Variants in RBFOX1 observed in about 807,000 individuals in gnomAD.
RBFOX1 encodes the protein RNA binding fox-1 homolog 1.
A neutral mutation model predicts 57.7 loss-of-function variants in RBFOX1; 8 were observed. That is an observed-to-expected ratio of 0.14 (90% CI 0.08 to 0.25). RBFOX1 has a LOEUF of 0.25. Among genes scored for constraint, RBFOX1 ranks in the 10% least tolerant of loss-of-function variants. The pLI, the probability that RBFOX1 is intolerant of heterozygous loss-of-function variation, is 1.00. For synonymous variants in RBFOX1, 326 were observed against 222.4 expected, an observed-to-expected ratio of 1.47 and a Z score of -4.15; for missense variants, 611 against 548.5, an observed-to-expected ratio of 1.11 and a Z score of -1.14.
chr16:6,116,550 C>A (rs1176577245), intron 1 of RBFOX1, among the ~76,000 whole-genome samples: 2 of 152,182 alleles, frequency 1.3e-5, no homozygotes, highest in African/African-American at 4.8e-5. Context: ...CACTTACCCA[C>A]CTGCTTGGAG....
intron 1 of RBFOX1, among the ~76,000 whole-genome samples, chr16:6,024,519 C>A (rs1229852890): frequency 6.6e-6 from 1 of 152,110 alleles, no homozygotes; most frequent in Non-Finnish European, 1.5e-5. Flanking sequence ...AACAGAGCCT[C>A]ACGTTGTATC....
At chr16:6,758,335 C>G (rs781707062) in intron 3 of RBFOX1, among the ~76,000 whole-genome samples, 4 of 152,004 alleles carry the variant, frequency 2.6e-5, no homozygotes, top group African/African-American at 4.8e-5. Flanking sequence ...ATGTAAACCA[C>G]GACATAATAG....
chr16:6,505,432 A>G (rs17442685), intron 2 of RBFOX1, among the ~76,000 whole-genome samples: 42,787 of 152,182 alleles, frequency 0.28, 7,365 homozygotes, highest in Non-Finnish European at 0.39. Flanking sequence ...CTCCCATTAC[A>G]TCCAGGAGGA....
intron 4 of RBFOX1, among the ~76,000 whole-genome samples, chr16:7,306,847 T>C (rs1327920100): frequency 2.0e-5 from 3 of 152,146 alleles, no homozygotes; most frequent in African/African-American, 7.2e-5. Flanking sequence ...AATAGTTTAA[T>C]CTCCACATAC....
chr16:7,042,464 T>C (rs2046492366), intron 3 of RBFOX1, among the ~76,000 whole-genome samples: 1 of 152,242 alleles, frequency 6.6e-6, no homozygotes, highest in Admixed American at 6.5e-5. Context: ...TTTTTCCACC[T>C]GTAAAATGGA....
intron 4 of RBFOX1, among the ~76,000 whole-genome samples, chr16:7,088,216 G>A (rs754881077): frequency 6.6e-6 from 1 of 152,174 alleles, no homozygotes; most frequent in Non-Finnish European, 1.5e-5. Context: ...AAGGTCTAGG[G>A]AAGTCGGGTT....
intron 3 of RBFOX1, among the ~76,000 whole-genome samples, chr16:6,776,521 C>G (rs1055594969): frequency 1.3e-5 from 2 of 152,154 alleles, no homozygotes; most frequent in Admixed American, 6.5e-5. Context: ...GAAGAGGAAC[C>G]TTGGCTAGAA....
intron 3 of RBFOX1, among the ~76,000 whole-genome samples, chr16:5,685,904 A>T (rs1293203513): frequency 6.6e-6 from 1 of 152,190 alleles, no homozygotes; most frequent in Admixed American, 6.5e-5. Context: ...CATTGCAGCA[A>T]TGTTTGTCAT....
chr16:6,023,235 C>T (rs956214287), intron 1 of RBFOX1, among the ~76,000 whole-genome samples: 3 of 150,482 alleles, frequency 2.0e-5, no homozygotes, highest in Non-Finnish European at 2.9e-5. Flanking sequence ...TTGACCCACT[C>T]TGCCCTATTT....
intron 3 of RBFOX1, among the ~76,000 whole-genome samples, chr16:6,945,470 A>AT (rs56295393): frequency 3.6e-4 from 54 of 148,456 alleles, no homozygotes; most frequent in South Asian, 3.0e-3. Flanking sequence ...GGATATTTTG[A>AT]TTTTTTTTTT....
intron 3 of RBFOX1, among the ~76,000 whole-genome samples, chr16:5,638,390 C>T (rs1206539502): frequency 6.6e-6 from 1 of 152,118 alleles, no homozygotes; most frequent in East Asian, 1.9e-4. Flanking sequence ...CCAGGACACA[C>T]AGCCCTAGCA....
At chr16:6,722,767 T>G (rs2066282714) in intron 3 of RBFOX1, among the ~76,000 whole-genome samples, 1 of 152,240 alleles carries the variant, frequency 6.6e-6, no homozygotes, top group Non-Finnish European at 1.5e-5. Context: ...ACATGAATTA[T>G]GTAGGCATAT....
chr16:6,480,511 C>G (rs74496824), intron 2 of RBFOX1, among the ~76,000 whole-genome samples: 3,095 of 152,282 alleles, frequency 0.02, 110 homozygotes, highest in African/African-American at 0.071. Context: ...CTTCTTTTGA[C>G]TTTTAAAAAC....
At chr16:7,556,822 T>A (rs1192579372) in intron 5 of RBFOX1, among the ~76,000 whole-genome samples, 4 of 152,262 alleles carry the variant, frequency 2.6e-5, no homozygotes, top group Non-Finnish European at 5.9e-5. Context: ...TGTTATTGTT[T>A]GAAAATAATT....
intron 5 of RBFOX1, among the ~76,000 whole-genome samples, chr16:7,562,817 A>G (rs1030106159): frequency 1.3e-5 from 2 of 152,256 alleles, no homozygotes; most frequent in Non-Finnish European, 2.9e-5. Context: ...CCAACAGGCA[A>G]GAAACACTCT....
intron 1 of RBFOX1, among the ~76,000 whole-genome samples, chr16:5,404,488 G>C (rs2066808146): frequency 6.6e-6 from 1 of 152,190 alleles, no homozygotes; most frequent in African/African-American, 2.4e-5. Context: ...ACTGCACTTT[G>C]TAGGTCTCAG....
intron 1 of RBFOX1, among the ~76,000 whole-genome samples, chr16:5,279,908 C>A (rs963952835): frequency 6.6e-6 from 1 of 152,158 alleles, no homozygotes; most frequent in East Asian, 1.9e-4. Flanking sequence ...TTCCTCTTGT[C>A]CAGTTTGGAT....
At chr16:5,273,892 GC>G (rs1455317653) in intron 1 of RBFOX1, among the ~76,000 whole-genome samples, 5 of 152,180 alleles carry the variant, frequency 3.3e-5, no homozygotes, top group African/African-American at 1.2e-4. Context: ...GGAAAGGAAT[GC>G]TGGTAATGAC....
In RBFOX1 at chr16:7,000,644, G is replaced by A. The variant is rs868253910; in HGVS notation, c.-15-51413G>A. ...AGACAGAGTCTCGCTCTCCTCTGTC[G>A]CCCAGGCTGGAGTGCAGTGGCATGA... On this transcript the variant is annotated intron_variant, in intron 3 of 15. Transcript: ENST00000550418. Among the ~76,000 whole-genome samples, 13 of 115,936 alleles carry A rather than the reference G, an allele frequency of 1.1e-4. No individual in the cohort carries two copies. In the East Asian group the frequency reaches 2.2e-3, roughly 20 times the overall value. The allele number at this position is 115,936 out of a possible 152,430, so 76.1% of individuals were successfully genotyped here. A position where few individuals can be genotyped will look rare whatever the true frequency, so the allele number is the denominator to read the frequency against.
Sources: gnomAD v4.1 joint callset for allele counts (sites outside exome capture counted in the v4.1 genomes callset) on GRCh38, gnomAD v4.1.1 for gene constraint, MANE v1.5 for transcripts, NCBI Gene and HGNC (gene_info 2026-07-23, HGNC 2026-07-21) for gene names.